Variants in GOLGA3 observed in about 807,000 individuals in gnomAD.
The protein encoded by GOLGA3 is golgin subfamily A member 3.
A neutral mutation model predicts 169.4 loss-of-function variants in GOLGA3; 75 were observed. That is an observed-to-expected ratio of 0.44 (90% confidence interval 0.37 to 0.54). The LOEUF is 0.54. Among genes scored for constraint, GOLGA3 ranks in the 20% least tolerant of loss-of-function variants. The pLI, the probability that GOLGA3 is intolerant of heterozygous loss-of-function variation, is 0.00. For synonymous variants in GOLGA3, 824 were observed against 822.4 expected (o/e 1.00, Z -0.03); for missense variants, 1,899 against 1,930.0 (o/e 0.98, Z 0.30).
rs766146059 is a variant in GOLGA3 at position 132,807,997 on chromosome 12, A to G, written c.1072T>C (p.Phe358Leu). ...TGGAGGACGTCCTTAATGGAGGGGA[A>G]CTGGCCCAGGGTATCCGCAGGAATC... is the stretch of plus-strand genomic sequence containing the variant. ...QEIPADTLGQFPSIKDVLQAA... is the reference protein window; with the variant it reads ...QEIPADTLGQLPSIKDVLQAA... The change falls in exon 5 of 24, where the codon TTC becomes CTC. Residue 358 changes from phenylalanine to leucine, a missense_variant. By Grantham distance (22) the Phe-to-Leu change is conservative. Transcript: ENST00000450791. 6.2e-7 allele frequency: 1 copy of G among 1,613,098 alleles called. No individual in the cohort carries two copies. The highest frequency in any genetic ancestry group is 8.5e-7 in the Non-Finnish European group (1 of 1,179,546).
chr12:132,822,681 G>C (rs940853444), intron 1 of GOLGA3, among the ~76,000 whole-genome samples: 1 of 152,196 alleles, frequency 6.6e-6, no homozygotes, highest in East Asian at 1.9e-4. Flanking sequence ...AGCACTTTGG[G>C]AGGCCGAGGC....
intron 4 of GOLGA3, among the ~76,000 whole-genome samples, chr12:132,809,187 G>C (rs779837920): frequency 1.3e-5 from 2 of 152,226 alleles, no homozygotes; most frequent in Non-Finnish European, 1.5e-5. Flanking sequence ...CATTATTTCT[G>C]CATATCAGGG....
chr12:132,779,852 C>T lies in GOLGA3; in HGVS notation c.3582+946G>A, dbSNP rs201562410. On this transcript the variant is annotated intron_variant, in intron 18 of 23. Transcript: ENST00000450791. ...CAGCCCTTGCACGGACACCCCCCCG[C>T]GCACATACACACACCTCAGGCACAC... 7.8e-3 allele frequency among the ~76,000 whole-genome samples: 788 copies of T among 100,846 alleles called. 13 individuals are homozygous for T. Among genetic ancestry groups the T allele is most frequent in the East Asian group, 0.051 (191 of 3,766 alleles). 66.2% of individuals were successfully genotyped at this position (100,846 alleles called of 152,430 possible).
chr12:132,813,552 T>C lies in GOLGA3; in HGVS notation c.407-133A>G. On this transcript the variant is annotated intron_variant, in intron 3 of 23. Coordinates refer to ENST00000450791, the MANE Select transcript of GOLGA3 (RefSeq NM_001389683.1). ...CTAAACAATGCACAGCCATCTTGTTTGGAAGGACAATTTCTAGATCAAGAG... is the reference window on the plus strand; with the variant it reads ...CTAAACAATGCACAGCCATCTTGTTCGGAAGGACAATTTCTAGATCAAGAG... 3 of 562,576 alleles carry C rather than the reference T, an allele frequency of 5.3e-6. No individual in the cohort carries two copies. In the South Asian group the frequency reaches 6.3e-5, roughly 12 times the overall value. 34.8% of individuals were successfully genotyped at this position (562,576 alleles called of 1,614,324 possible).
chr12:132,810,797 T>A (rs1949666493), intron 4 of GOLGA3, among the ~76,000 whole-genome samples: 1 of 152,192 alleles, frequency 6.6e-6, no homozygotes, highest in Non-Finnish European at 1.5e-5. Flanking sequence ...CCACCTCTTG[T>A]GGAGGGCCTG....
chr12:132,774,100 G>A, intron 23 of GOLGA3, 57 bp downstream of exon 23: 1 of 1,460,524 alleles, frequency 6.8e-7, no homozygotes, highest in Non-Finnish European at 9.2e-7. Context: ...GCCCTCCCAG[G>A]TAAGAGGGCA....
In GOLGA3 at chr12:132,782,366, C is replaced by T. The variant is rs370750118; in HGVS notation, c.3395G>A (p.Arg1132Gln). 7 of 1,614,118 alleles carry T rather than the reference C, an allele frequency of 4.3e-6. No homozygotes were observed. The highest frequency in any genetic ancestry group is 3.3e-5 in the South Asian group (3 of 91,084). Residue 1132 changes from arginine (R) to glutamine (Q), a missense_variant, in exon 17 of 24, where the codon CGG becomes CAG. Coordinates refer to ENST00000450791, the MANE Select transcript of GOLGA3 (RefSeq NM_001389683.1). ...TGTTTCTAGGATGCTGTTGTGTTCC[C>T]GCAGAGCTGCGTTGGACTGACCGAG... ...TGLGQSNAAL[R>Q]EHNSILETAL...
intron 6 of GOLGA3, among the ~76,000 whole-genome samples, chr12:132,806,185 C>T (rs1293440465): frequency 6.6e-6 from 1 of 152,208 alleles, no homozygotes; most frequent in Non-Finnish European, 1.5e-5. Context: ...GGCCAGCAAC[C>T]ACCACACCTG....
chr12:132,777,555 C>T lies in GOLGA3; in HGVS notation c.3722+111G>A. The T allele has an allele frequency of 2.5e-6, 3 of 1,217,510 alleles. No individual in the cohort carries two copies. The highest frequency in any genetic ancestry group is 3.5e-6 in the Non-Finnish European group (3 of 860,878). The allele number at this position is 1,217,510 out of a possible 1,614,324, so 75.4% of individuals were successfully genotyped here. A position where few individuals can be genotyped will look rare whatever the true frequency, so the allele number is the denominator to read the frequency against. On this transcript the variant is annotated intron_variant, in intron 19 of 23. Coordinates refer to ENST00000450791, the MANE Select transcript of GOLGA3 (RefSeq NM_001389683.1). The surrounding 1 kb of genome is among the most constrained non-coding windows in gnomAD (Gnocchi z 4.7). ...TCTACTCCTATGATTCACTCAAGTA[C>T]TCGGCAATTTGCAAAATATAGATGA...
At chr12:132,789,508 C>T (rs1486444258) in intron 12 of GOLGA3, among the ~76,000 whole-genome samples, 1 of 152,194 alleles carries the variant, frequency 6.6e-6, no homozygotes. Context: ...CTGCGTGGTG[C>T]ACAAGGCAGT....
At chr12:132,791,050 C>CAAAAAAAAAAAAAAAAAAAAAAAA (rs771719474) in intron 12 of GOLGA3, among the ~76,000 whole-genome samples, 166 bp downstream of exon 12, 1 of 52,650 alleles carries the variant, frequency 1.9e-5, no homozygotes, top group Non-Finnish European at 3.0e-5. Flanking sequence ...GACTCCGTCT[C>CAAAAAAAAAAAAAAAAAAAAAAAA]AAAAAAAAAA....
At chr12:132,805,685 C>G (rs1465708434) in intron 6 of GOLGA3, among the ~76,000 whole-genome samples, 1 of 152,154 alleles carries the variant, frequency 6.6e-6, no homozygotes, top group East Asian at 1.9e-4. Context: ...ACTTTCCAAA[C>G]AGGCCCAGGA....
chr12:132,786,447 G>A lies in GOLGA3; in HGVS notation c.3015C>T (p.Ile1005=). ...KHKAYENAVG[I]LSRRLQEALA... ...GGGCCTCCTGCAGGCGGCGGCTGAG[G>A]ATGCCCACGGCGTTCTCGTAGGCCT... The change falls in exon 15 of 24, where the codon ATC becomes ATT. Residue 1005 remains isoleucine, a synonymous_variant. Coordinates refer to ENST00000450791, the MANE Select transcript of GOLGA3 (RefSeq NM_001389683.1). 1 of 1,613,644 alleles carries A rather than the reference G, an allele frequency of 6.2e-7. No individual in the cohort carries two copies. Among genetic ancestry groups the A allele is most frequent in the Non-Finnish European group, 8.5e-7 (1 of 1,179,882 alleles).
chr12:132,812,226 TATA>T (rs752351893), intron 4 of GOLGA3, among the ~76,000 whole-genome samples: 47 of 146,442 alleles, frequency 3.2e-4, no homozygotes, highest in Middle Eastern at 3.5e-3. Context: ...TATATATATA[TATA>T]TTTTTTTTAA....
intron 5 of GOLGA3, 76 bp from the exon 6 acceptor site, chr12:132,807,364 T>C: frequency 1.3e-6 from 1 of 742,254 alleles, no homozygotes; most frequent in South Asian, 1.9e-5. Flanking sequence ...TTCTCCAAAT[T>C]CCACACACCC....
intron 9 of GOLGA3, among the ~76,000 whole-genome samples, chr12:132,797,967 G>A (rs1241443506): frequency 6.6e-6 from 1 of 152,226 alleles, no homozygotes; most frequent in Admixed American, 6.5e-5. Context: ...CCCTTCCTCC[G>A]TACCCACTCT....
At chr12:132,821,558 AAC>A (rs1223458589) in intron 2 of GOLGA3, among the ~76,000 whole-genome samples, 1 of 151,934 alleles carries the variant, frequency 6.6e-6, no homozygotes, top group African/African-American at 2.4e-5. Context: ...CAGTTACTAA[AAC>A]ATACTTTGGG....
At chr12:132,825,742 G>A (rs981729812) in intron 1 of GOLGA3, 20 of 1,546,838 alleles carry the variant, frequency 1.3e-5, no homozygotes, top group Middle Eastern at 2.3e-4. Flanking sequence ...AAAAGCAGCC[G>A]ACCATCTTTC....
chr12:132,774,329 A>G lies in GOLGA3; in HGVS notation c.4144-9T>C, dbSNP rs770992148. On this transcript the variant is annotated splice_polypyrimidine_tract_variant and intron_variant, in intron 22 of 23. Transcript: ENST00000450791. The stretch of plus-strand genomic sequence containing the variant: ...CCTTTCGGCTCCTTTCTCTGTTTTT[A>G]AAAGCACATGATCAGCTTTCCCACC... 9 of 1,610,526 alleles carry G rather than the reference A, an allele frequency of 5.6e-6. 1 individual carries two copies. Among genetic ancestry groups the G allele is most frequent in the South Asian group, 2.2e-5 (2 of 91,070 alleles).
Sources: allele counts gnomAD v4.1 joint callset (sites outside exome capture counted in the v4.1 genomes callset), GRCh38; gene constraint gnomAD v4.1.1; non-coding constraint Gnocchi (gnomAD v3.1); transcripts MANE v1.5; gene names NCBI Gene and HGNC (gene_info 2026-07-23, HGNC 2026-07-21).